RNF180: variants seen among roughly 807,000 people sequenced by gnomAD.
RNF180 encodes the protein ring finger protein 180.
Under a neutral mutation model 59.2 loss-of-function variants are expected in RNF180, and 38 were observed. The observed-to-expected ratio is 0.64, with a 90% CI of 0.50 to 0.84. The LOEUF is 0.84. Among genes scored for constraint, RNF180 ranks in the 40% least tolerant of loss-of-function variants. The pLI, the probability that RNF180 is intolerant of heterozygous loss-of-function variation, is 0.00. For synonymous variants in RNF180, 262 were observed against 240.3 expected (o/e 1.09, Z -0.84); for missense variants, 705 against 700.9 (o/e 1.01, Z -0.07).
At position 64,250,670 on chromosome 5, in the gene RNF180, A is replaced by C. The variant is rs75880991; in HGVS notation, c.1227+33274A>C. On this transcript the variant is annotated intron_variant, in intron 5 of 7. Coordinates refer to ENST00000389100, the MANE Select transcript of RNF180 (RefSeq NM_001113561.2). ...TTGGATAACCTACAAGATATGGATA[A>C]ATTCCTTTATGCATACAACCTACCA... 7.5e-3 allele frequency among the ~76,000 whole-genome samples: 1,148 copies of C among 152,250 alleles called. 14 individuals carry two copies. The highest frequency in any genetic ancestry group is 0.027 in the African/African-American group (1,109 of 41,546).
intron 2 of RNF180, among the ~76,000 whole-genome samples, chr5:64,201,425 A>G (rs950464890): frequency 2.6e-5 from 4 of 152,216 alleles, no homozygotes; most frequent in African/African-American, 7.2e-5. Flanking sequence ...GTGTTTGGTC[A>G]TCCTGATTAA....
At chr5:64,302,975 G>A (rs1424170918) in intron 5 of RNF180, among the ~76,000 whole-genome samples, 1 of 151,664 alleles carries the variant, frequency 6.6e-6, no homozygotes, top group Non-Finnish European at 1.5e-5. Flanking sequence ...CCTGCATTGA[G>A]CAAGTCCATC....
intron 7 of RNF180, 116 bp from the exon 8 acceptor site, chr5:64,369,499 C>T (rs1746581572): frequency 3.6e-6 from 2 of 555,962 alleles, no homozygotes; most frequent in Admixed American, 7.7e-5. Flanking sequence ...AGGAATACAA[C>T]ATAACTCCGC....
intron 2 of RNF180, among the ~76,000 whole-genome samples, chr5:64,202,255 G>GCATT (rs1751792665): frequency 6.6e-6 from 1 of 152,148 alleles, no homozygotes; most frequent in Non-Finnish European, 1.5e-5. Context: ...AATACAGCAT[G>GCATT]CATTCTTTTG....
intron 7 of RNF180, among the ~76,000 whole-genome samples, chr5:64,349,070 C>T (rs1225424635): frequency 6.6e-6 from 1 of 152,124 alleles, no homozygotes; most frequent in East Asian, 1.9e-4. Flanking sequence ...TAAAAGGACA[C>T]CTGTTGGTCA....
intron 5 of RNF180, among the ~76,000 whole-genome samples, chr5:64,304,168 G>A (rs1334009299): frequency 6.6e-6 from 1 of 151,526 alleles, no homozygotes; most frequent in African/African-American, 2.4e-5. Flanking sequence ...ATCAGTGCTT[G>A]TTGACAGTGT....
chr5:64,343,805 C>A (rs1745450913), intron 7 of RNF180, among the ~76,000 whole-genome samples: 1 of 150,696 alleles, frequency 6.6e-6, no homozygotes. Flanking sequence ...GAAATAAAGA[C>A]ATTTCAGGTA....
At position 64,347,343 on chromosome 5, in the gene RNF180, G is replaced by C. The variant is rs553679820; in HGVS notation, c.1579+16937G>C. Reference sequence around the variant, plus strand: ...AAAAATCTGTAAAACAAGAGGAGTGGTTTAAAATGGATATCAAGGTAGTCC... The same window carrying C: ...AAAAATCTGTAAAACAAGAGGAGTGCTTTAAAATGGATATCAAGGTAGTCC... On this transcript the variant is annotated intron_variant, in intron 7 of 7. Coordinates refer to ENST00000389100, the MANE Select transcript of RNF180 (RefSeq NM_001113561.2). Among the ~76,000 whole-genome samples, 5 of 152,274 alleles carry C rather than the reference G, an allele frequency of 3.3e-5. No homozygotes were observed. In the South Asian group the frequency reaches 6.2e-4, roughly 19 times the overall value.
chr5:64,179,334 A>C (rs2111931613), intron 1 of RNF180, among the ~76,000 whole-genome samples: 1 of 152,302 alleles, frequency 6.6e-6, no homozygotes, highest in South Asian at 2.1e-4. Flanking sequence ...TGTTTTAAAA[A>C]TAAAAATGCA....
chr5:64,298,651 A>C (rs1743014882), intron 5 of RNF180, among the ~76,000 whole-genome samples: 1 of 152,012 alleles, frequency 6.6e-6, no homozygotes, highest in Non-Finnish European at 1.5e-5. Flanking sequence ...CTCTTAGACA[A>C]ATTTAAATTT....
At position 64,213,836 on chromosome 5, in the gene RNF180, AAAT is replaced by A. The variant is rs751776763; in HGVS notation, c.517_519del (p.Asn173del). ...ATCACAGGCTTTTAAACATGGCCCG[AAAT>A]AATAATGACCCTGGAAGATTAACAG... On this transcript the variant is annotated inframe_deletion, in exon 4 of 8. Transcript: ENST00000389100. The A allele has an allele frequency of 4.3e-6, 7 of 1,614,022 alleles. No homozygotes were observed. In the South Asian group the frequency reaches 7.7e-5, roughly 18 times the overall value.
At chr5:64,333,510 A>G (rs1271389563) in intron 7 of RNF180, among the ~76,000 whole-genome samples, 1 of 152,250 alleles carries the variant, frequency 6.6e-6, no homozygotes. Context: ...CCCCCAAAAT[A>G]TGAAATCAAA....
intron 5 of RNF180, among the ~76,000 whole-genome samples, chr5:64,269,096 TC>T (rs1744856919): frequency 6.6e-6 from 1 of 152,164 alleles, no homozygotes; most frequent in African/African-American, 2.4e-5. Flanking sequence ...AAATCTCACT[TC>T]CTTTGAGGAA....
At chr5:64,232,160 G>C (rs1742138698) in intron 5 of RNF180, among the ~76,000 whole-genome samples, 1 of 152,088 alleles carries the variant, frequency 6.6e-6, no homozygotes, top group South Asian at 2.1e-4. Context: ...GAGCATAAGG[G>C]TTTATATTTC....
rs954812860 is a variant in RNF180, at chr5:64,177,556, T to C, written c.-1+11603T>C. 5.5e-5 allele frequency among the ~76,000 whole-genome samples: 8 copies of C among 145,046 alleles called. No homozygotes were observed. In the South Asian group the frequency reaches 1.8e-3, roughly 32 times the overall value. ...ATATATATATATATATATATATATA[T>C]ATATATATATGTATTTATTTCTTTC... On this transcript the variant is annotated intron_variant, in intron 1 of 7. Transcript: ENST00000389100.
At chr5:64,292,767 C>T (rs945412336) in intron 5 of RNF180, among the ~76,000 whole-genome samples, 5 of 152,146 alleles carry the variant, frequency 3.3e-5, no homozygotes, top group Admixed American at 6.5e-5. Context: ...GCAGCCCCTC[C>T]CCCATGGGGC....
chr5:64,324,001 A>G (rs1744502691), intron 5 of RNF180, among the ~76,000 whole-genome samples: 1 of 152,200 alleles, frequency 6.6e-6, no homozygotes, highest in African/African-American at 2.4e-5. Flanking sequence ...AAAGACCGCA[A>G]TTACTTTTGC....
intron 1 of RNF180, among the ~76,000 whole-genome samples, chr5:64,177,932 G>T (rs144323469): frequency 6.6e-6 from 1 of 152,026 alleles, no homozygotes; most frequent in Non-Finnish European, 1.5e-5. Context: ...GGGGCTGGGC[G>T]TGGTGGCTCA....
At chr5:64,336,489 C>G (rs898714606) in intron 7 of RNF180, among the ~76,000 whole-genome samples, 23 of 152,236 alleles carry the variant, frequency 1.5e-4, no homozygotes, top group African/African-American at 5.3e-4. Context: ...TATATAGGCT[C>G]CAAAGCAGAA....
Sources: gnomAD v4.1 joint callset for allele counts (sites outside exome capture counted in the v4.1 genomes callset) on GRCh38, gnomAD v4.1.1 for gene constraint, MANE v1.5 for transcripts, NCBI Gene and HGNC (gene_info 2026-07-23, HGNC 2026-07-21) for gene names.